The following ZC3H3 variants were observed in gnomAD, a reference collection of about 807,000 sequenced individuals.
ZC3H3 encodes zinc finger CCCH domain-containing protein 3.
In ZC3H3, 36 loss-of-function variants were observed where a neutral mutation model predicts 77.3. The ratio of observed to expected loss-of-function variants is 0.47; its 90% CI spans 0.36 to 0.61. The LOEUF (loss-of-function observed/expected upper bound fraction) is 0.61. Ranked by LOEUF, ZC3H3 falls within the 20% of genes least tolerant of loss-of-function variation. The probability of loss-of-function intolerance (pLI) is 0.00; values close to 1 mark genes in which losing one functional copy is unlikely to be tolerated. For missense variants in ZC3H3, 1,331 were observed against 1,312.2 expected (o/e 1.01, Z -0.22); for synonymous variants, 626 against 555.2 (o/e 1.13, Z -1.79).
intron 4 of ZC3H3, among the ~76,000 whole-genome samples, chr8:143,490,169 AGGTG>A (rs1471469040): frequency 6.6e-6 from 1 of 152,192 alleles, no homozygotes; most frequent in Non-Finnish European, 1.5e-5. Flanking sequence ...CCTCCCCAGC[AGGTG>A]GGTGGGGCTG....
chr8:143,517,090 A>G (rs1436250896), intron 3 of ZC3H3, among the ~76,000 whole-genome samples: 3 of 152,220 alleles, frequency 2.0e-5, no homozygotes, highest in African/African-American at 4.8e-5. Flanking sequence ...ATTAAAGGGA[A>G]GATTGAGACC....
intron 9 of ZC3H3, among the ~76,000 whole-genome samples, chr8:143,456,008 A>C (rs975455984): frequency 1.4e-5 from 2 of 146,998 alleles, no homozygotes; most frequent in Admixed American, 6.8e-5. Context: ...AAAAAGACTT[A>C]AAAAAGCGTT....
chr8:143,459,310 G>A (rs1339933440), intron 9 of ZC3H3, among the ~76,000 whole-genome samples: 4 of 152,204 alleles, frequency 2.6e-5, no homozygotes, highest in Non-Finnish European at 5.9e-5. Context: ...CACTTTGGGA[G>A]GCCAAGGCGG....
chr8:143,521,378 C>T (rs1377219590), intron 3 of ZC3H3, among the ~76,000 whole-genome samples: 3 of 151,944 alleles, frequency 2.0e-5, no homozygotes, highest in Admixed American at 6.5e-5. Flanking sequence ...GTCTTGAGGG[C>T]TCCTCAAGTC....
chr8:143,495,330 G>A (rs1210688096), intron 4 of ZC3H3, among the ~76,000 whole-genome samples: 1 of 152,244 alleles, frequency 6.6e-6, no homozygotes, highest in East Asian at 1.9e-4. Flanking sequence ...TCCATTGACA[G>A]AAGCTCCAGA....
intron 4 of ZC3H3, among the ~76,000 whole-genome samples, chr8:143,504,773 G>A (rs1350927946): frequency 6.6e-6 from 1 of 152,108 alleles, no homozygotes; most frequent in Non-Finnish European, 1.5e-5. Context: ...AGCCCCCTGG[G>A]CCTCACTGTA....
At chr8:143,529,405 T>G (rs1822527817) in intron 3 of ZC3H3, among the ~76,000 whole-genome samples, 1 of 152,108 alleles carries the variant, frequency 6.6e-6, no homozygotes, top group Admixed American at 6.5e-5. Flanking sequence ...CAGGGCTGCG[T>G]GGCAAACCAC....
At chr8:143,465,174 G>C (rs766659544) in intron 9 of ZC3H3, among the ~76,000 whole-genome samples, 6 of 152,122 alleles carry the variant, frequency 3.9e-5, no homozygotes, top group Non-Finnish European at 7.4e-5. Context: ...CCACCCAGCA[G>C]TGGTGCCCCG....
At chr8:143,528,020 G>C (rs1237316337) in intron 3 of ZC3H3, among the ~76,000 whole-genome samples, 1 of 152,184 alleles carries the variant, frequency 6.6e-6, no homozygotes, top group African/African-American at 2.4e-5. Flanking sequence ...CACCGGACAT[G>C]GGGCTGCTCC....
chr8:143,534,956 G>A (rs1459389868), intron 3 of ZC3H3, among the ~76,000 whole-genome samples: 3 of 151,596 alleles, frequency 2.0e-5, no homozygotes, highest in Non-Finnish European at 4.4e-5. Context: ...CTGCCCTCCC[G>A]CGGCAGCCCC....
At chr8:143,463,191 G>A (rs1378343824) in intron 9 of ZC3H3, among the ~76,000 whole-genome samples, 1 of 152,172 alleles carries the variant, frequency 6.6e-6, no homozygotes, top group East Asian at 1.9e-4. Flanking sequence ...CACCATGTTG[G>A]CCAAGCTGGT....
chr8:143,491,164 C>G (rs150194461), intron 4 of ZC3H3, among the ~76,000 whole-genome samples: 3 of 152,302 alleles, frequency 2.0e-5, no homozygotes, highest in African/African-American at 7.2e-5. Flanking sequence ...GGCCCAGGCA[C>G]AGGGGGCTCC....
chr8:143,478,582 T>C (rs1487464931), intron 4 of ZC3H3, among the ~76,000 whole-genome samples: 2 of 152,248 alleles, frequency 1.3e-5, no homozygotes, highest in Non-Finnish European at 2.9e-5. Context: ...CGATCTCGGC[T>C]CACTGCAACC....
intron 4 of ZC3H3, among the ~76,000 whole-genome samples, chr8:143,505,743 G>A (rs1821672322): frequency 6.6e-6 from 1 of 152,228 alleles, no homozygotes; most frequent in Non-Finnish European, 1.5e-5. Flanking sequence ...CACACACGGA[G>A]AAGACACTGA....
At chr8:143,476,179 C>A (rs549930165) in intron 4 of ZC3H3, among the ~76,000 whole-genome samples, 1 of 152,202 alleles carries the variant, frequency 6.6e-6, no homozygotes, top group Non-Finnish European at 1.5e-5. Context: ...GGTCAGCAGG[C>A]TACCCTGCCT....
chr8:143,516,198 G>T (rs1290504023), intron 3 of ZC3H3, among the ~76,000 whole-genome samples: 1 of 152,270 alleles, frequency 6.6e-6, no homozygotes, highest in African/African-American at 2.4e-5. Flanking sequence ...AGCCTCAGAT[G>T]TGGGATGACT....
At chr8:143,496,314 T>TG (rs1821349892) in intron 4 of ZC3H3, among the ~76,000 whole-genome samples, 1 of 152,164 alleles carries the variant, frequency 6.6e-6, no homozygotes, top group African/African-American at 2.4e-5. Context: ...TTCTTGGCCA[T>TG]GGAGGGCCGA....
chr8:143,492,283 CAG>C (rs1821228554), intron 4 of ZC3H3, among the ~76,000 whole-genome samples: 1 of 152,164 alleles, frequency 6.6e-6, no homozygotes, highest in Admixed American at 6.5e-5. Context: ...ACACCACAGT[CAG>C]GGGATACACA....
chr8:143,484,829 C>A, intron 4 of ZC3H3: 2 of 448,516 alleles, frequency 4.5e-6, no homozygotes, highest in South Asian at 1.6e-5. Flanking sequence ...CAGACATCCC[C>A]CCACTCCCAG....
Sources: allele counts gnomAD v4.1 joint callset (sites outside exome capture counted in the v4.1 genomes callset), GRCh38; gene constraint gnomAD v4.1.1; transcripts MANE v1.5; gene names NCBI Gene and HGNC (gene_info 2026-07-23, HGNC 2026-07-21).